HLA-DOA: variants seen among roughly 807,000 people sequenced by gnomAD.
HLA-DOA encodes major histocompatibility complex, class II, DO alpha.
A neutral mutation model predicts 22.9 loss-of-function variants in HLA-DOA; 27 were observed. That is an observed-to-expected ratio of 1.18 (90% CI 0.87 to 1.62). The LOEUF (loss-of-function observed/expected upper bound fraction) is 1.62, where lower values mean the gene tolerates loss of function less well. Among genes scored for constraint, HLA-DOA ranks in the 40% most tolerant of loss-of-function variants. The pLI is 0.00. For synonymous variants in HLA-DOA, 137 were observed against 138.6 expected (o/e 0.99, Z 0.08); for missense variants, 324 against 332.4 (o/e 0.97, Z 0.20).
intron 4 of HLA-DOA, 51 bp from the exon 5 acceptor site, chr6:33,006,892 G>A: frequency 6.6e-7 from 1 of 1,523,106 alleles, no homozygotes; most frequent in Non-Finnish European, 9.1e-7. Context: ...CAATATGCTG[G>A]GATCCTATCT....
chr6:33,008,748 C>A (rs1197081910), intron 1 of HLA-DOA, among the ~76,000 whole-genome samples: 1 of 151,980 alleles, frequency 6.6e-6, no homozygotes, highest in Non-Finnish European at 1.5e-5. Context: ...ACCCAGAGAC[C>A]AAGGGGATAG....
In HLA-DOA at chr6:33,009,447, G is replaced by A. The variant is rs573173928; in HGVS notation, c.82+8C>T. 8 of 1,584,984 alleles carry A rather than the reference G, an allele frequency of 5.0e-6. No individual in the cohort carries two copies. The East Asian group carries it at 1.6e-4, about 31-fold the overall frequency. ...TCCCCGCCGCACCCTCCTCGCCCTC[G>A]CACTCACCCTTGGTGGCCCCTGCCT... On this transcript the variant is annotated splice_region_variant and intron_variant, in intron 1 of 4. Coordinates refer to ENST00000229829, the MANE Select transcript of HLA-DOA (RefSeq NM_002119.4). This position sits in a 1 kb window ranked among gnomAD's most constrained non-coding sequence, Gnocchi z 4.8.
chr6:33,008,710 C>T (rs1780934369), intron 1 of HLA-DOA, among the ~76,000 whole-genome samples: 1 of 152,014 alleles, frequency 6.6e-6, no homozygotes, highest in Admixed American at 6.6e-5. Context: ...CAGGCCACGG[C>T]TGGCAGGGGT....
Position 33,007,506 on chromosome 6 carries a change from G to A in HLA-DOA, c.418C>T (p.Pro140Ser). ...ILICIVDNIF[P>S]PVINITWLRN... ...AGCCAGGTGATATTGATCACAGGGG[G>A]GAAGATGTTGTCCACGATGCAGATG... is the stretch of plus-strand genomic sequence containing the variant. The change falls in exon 3 of 5, where the codon CCC (proline) becomes TCC (serine). Residue 140 changes from proline (P) to serine (S), a missense_variant. Pro to Ser is a moderately conservative substitution (Grantham distance 74, BLOSUM62 -1). Transcript: ENST00000229829. 2.5e-6 allele frequency: 4 copies of A among 1,613,014 alleles called. No individual in the cohort carries two copies. The highest frequency in any genetic ancestry group is 3.4e-6 in the Non-Finnish European group (4 of 1,179,998).
At chr6:33,006,896 C>T (rs1219682038) in intron 4 of HLA-DOA, 55 bp from the exon 5 acceptor site, 35 of 1,514,366 alleles carry the variant, frequency 2.3e-5, no homozygotes, top group Non-Finnish European at 3.0e-5. Context: ...ATGCTGGGAT[C>T]CTATCTCTGA....
rs1272808311 is a variant in HLA-DOA at position 33,009,567 on chromosome 6, C to T, written c.-31G>A. 1 of 1,535,494 alleles carries T rather than the reference C, an allele frequency of 6.5e-7. No homozygotes were observed. Among genetic ancestry groups the T allele is most frequent in the Non-Finnish European group, 8.8e-7 (1 of 1,132,556 alleles). ...TCTGGTGCTTTAATCAAATCAGTCT[C>T]AGTCCGTGTGGTGAGGACAGGAACA... On this transcript the variant is annotated 5_prime_UTR_variant, in exon 1 of 5. Coordinates refer to ENST00000229829, the MANE Select transcript of HLA-DOA (RefSeq NM_002119.4). This position sits in a 1 kb window ranked among gnomAD's most constrained non-coding sequence, Gnocchi z 4.8.
chr6:33,009,409 C>T lies in HLA-DOA; in HGVS notation c.82+46G>A, dbSNP rs111835200. 1.1e-4 allele frequency: 161 copies of T among 1,415,036 alleles called. No individual in the cohort carries two copies. The African/African-American group carries it at 2.0e-3, about 18-fold the overall frequency. 87.7% of individuals were successfully genotyped at this position (1,415,036 alleles called of 1,614,324 possible). On this transcript the variant is annotated intron_variant, in intron 1 of 4. Coordinates refer to ENST00000229829, the MANE Select transcript of HLA-DOA (RefSeq NM_002119.4). The surrounding 1 kb of genome is among the most constrained non-coding windows in gnomAD (Gnocchi z 4.8). ...GCCACCTCCTCATGTAACCCAACTCCGTAAATCTCTGCTCCCCGCCGCACC... is the reference window on the plus strand; with the variant it reads ...GCCACCTCCTCATGTAACCCAACTCTGTAAATCTCTGCTCCCCGCCGCACC...
chr6:33,007,559 C>T lies in HLA-DOA; in HGVS notation c.365G>A (p.Arg122Gln), dbSNP rs758936494. The change falls in exon 3 of 5, where the codon CGG becomes CAG. Residue 122 changes from arginine to glutamine, a missense_variant. Coordinates refer to ENST00000229829, the MANE Select transcript of HLA-DOA (RefSeq NM_002119.4). ...PPRVTVLPKS[R>Q]VELGQPNILI... ...GATGTTGGGCTGGCCCAGCTCCACC[C>T]GAGACTTGGGGAGCACGGTCACCCG... 10 of 1,612,650 alleles carry T rather than the reference C, an allele frequency of 6.2e-6. No individual in the cohort carries two copies. The highest frequency in any genetic ancestry group is 1.3e-5 in the African/African-American group (1 of 74,928).
chr6:33,007,798 C>T (rs983426670), intron 2 of HLA-DOA: 1 of 832,058 alleles, frequency 1.2e-6, no homozygotes, highest in East Asian at 2.7e-5. Flanking sequence ...TTTGACTGGT[C>T]CCTGGGCGGG....
intron 1 of HLA-DOA, 65 bp from the exon 2 acceptor site, chr6:33,008,326 T>C: frequency 3.2e-6 from 5 of 1,573,910 alleles, no homozygotes; most frequent in South Asian, 1.2e-5. Flanking sequence ...CCACAATATG[T>C]GATTGTTGAG....
chr6:33,006,620 G>A lies in HLA-DOA; in HGVS notation c.*218C>T. On this transcript the variant is annotated 3_prime_UTR_variant, in exon 5 of 5. Coordinates refer to ENST00000229829, the MANE Select transcript of HLA-DOA (RefSeq NM_002119.4). ...AGAGCTTTGGGTAGAGCAAGAATGT[G>A]TGTGTGTGTTGAATGGGAAGGGAAG... 1.5e-6 allele frequency: 1 copy of A among 671,532 alleles called. No individual in the cohort carries two copies. The highest frequency in any genetic ancestry group is 1.7e-5 in the South Asian group (1 of 59,076). 41.6% of individuals were successfully genotyped at this position (671,532 alleles called of 1,614,324 possible). A position where few individuals can be genotyped will look rare whatever the true frequency, so the allele number is the denominator to read the frequency against.
intron 1 of HLA-DOA, 103 bp from the exon 2 acceptor site, chr6:33,008,364 T>G: frequency 6.6e-7 from 1 of 1,524,556 alleles, no homozygotes; most frequent in South Asian, 1.3e-5. Flanking sequence ...CGTCCTGGGT[T>G]CTGTGTGGGG....
Position 33,008,042 on chromosome 6 carries a change from T to G in HLA-DOA, c.302A>C (p.Glu101Ala). The part of the protein sequence containing the change: ...AIKAHLDILV[E>A]RSNRSRAINV... ...GATGGCTCTGCTGCGGTTGGAGCGC[T>G]CCACCAGGATGTCCAGATGGGCTTT... is the stretch of plus-strand genomic sequence containing the variant. Residue 101 changes from glutamate to alanine, a missense_variant, in exon 2 of 5, where the codon GAG becomes GCG. By Grantham distance (107) the Glu-to-Ala change is moderately radical (BLOSUM62 -1). Transcript: ENST00000229829. 6.2e-7 allele frequency: 1 copy of G among 1,612,936 alleles called. No homozygotes were observed. The highest frequency in any genetic ancestry group is 1.3e-5 in the African/African-American group (1 of 75,044).
chr6:33,007,366 G>A lies in HLA-DOA; in HGVS notation c.558C>T (p.Val186=). 6.2e-7 allele frequency: 1 copy of A among 1,608,604 alleles called. No homozygotes were observed. The highest frequency in any genetic ancestry group is 8.5e-7 in the Non-Finnish European group (1 of 1,177,078). The change falls in exon 3 of 5, where the codon GTC becomes GTT. Residue 186 remains valine, a synonymous_variant. Coordinates refer to ENST00000229829, the MANE Select transcript of HLA-DOA (RefSeq NM_002119.4). ...CCCAGTGCTCCACCTGGCAGTCATA[G>A]ACGTCCTCGGCTGAGGGCACGAAGG... ...YLPFVPSAED[V]YDCQVEHWGL...
intron 4 of HLA-DOA, 27 bp downstream of exon 4, chr6:33,007,046 TCCCCCAC>T: frequency 6.3e-7 from 1 of 1,587,382 alleles, no homozygotes; most frequent in Non-Finnish European, 8.6e-7. Flanking sequence ...TCCACTTTCC[TCCCCCAC>T]CCCCCAGACT....
chr6:33,008,359 T>C, intron 1 of HLA-DOA, 98 bp from the exon 2 acceptor site: 4 of 1,529,894 alleles, frequency 2.6e-6, no homozygotes, highest in Non-Finnish European at 3.5e-6. Context: ...GGCCCCGTCC[T>C]GGGTTCTGTG....
intron 1 of HLA-DOA, 145 bp from the exon 2 acceptor site, chr6:33,008,406 TGGGAGAGAGAAA>T: frequency 6.8e-7 from 1 of 1,461,690 alleles, no homozygotes; most frequent in Non-Finnish European, 9.0e-7. Flanking sequence ...GGGCTGGCCC[TGGGAGAGAGAAA>T]GGGAGAGAGA....
At position 33,005,337 on chromosome 6, in the gene HLA-DOA, C is replaced by T. The variant is rs1780766902; in HGVS notation, c.*1501G>A. The T allele has an allele frequency of 6.6e-6, 1 of 152,204 alleles. No individual in the cohort carries two copies. Among genetic ancestry groups the T allele is most frequent in the Non-Finnish European group, 1.5e-5 (1 of 68,082 alleles). 9.4% of individuals were successfully genotyped at this position (152,204 alleles called of 1,614,324 possible). A position where few individuals can be genotyped will look rare whatever the true frequency, so the allele number is the denominator to read the frequency against. The stretch of plus-strand genomic sequence containing the variant: ...TGAAACCCCGTCTCTACTTAAAATA[C>T]AAAAATTAGCTGAGTGTAGTGGCGC... On this transcript the variant is annotated 3_prime_UTR_variant, in exon 5 of 5. Coordinates refer to ENST00000229829, the MANE Select transcript of HLA-DOA (RefSeq NM_002119.4).
At position 33,004,972 on chromosome 6, in the gene HLA-DOA, A is replaced by C. The variant is rs780104312; in HGVS notation, c.*1866T>G. On this transcript the variant is annotated 3_prime_UTR_variant, in exon 5 of 5. Transcript: ENST00000229829. ...TTGGTTTCTTTCTTTTCCAGGACCAACTGCTCACAGTTCAAACCCTCATTT... is the reference window on the plus strand; with the variant it reads ...TTGGTTTCTTTCTTTTCCAGGACCACCTGCTCACAGTTCAAACCCTCATTT... 6.6e-6 allele frequency: 1 copy of C among 152,252 alleles called. No individual in the cohort carries two copies. Among genetic ancestry groups the C allele is most frequent in the Non-Finnish European group, 1.5e-5 (1 of 68,082 alleles). The allele number at this position is 152,252 out of a possible 1,614,324, so 9.4% of individuals were successfully genotyped here.
Sources: gnomAD v4.1 joint callset for allele counts (sites outside exome capture counted in the v4.1 genomes callset) on GRCh38, gnomAD v4.1.1 for gene constraint, Gnocchi (gnomAD v3.1) non-coding constraint, MANE v1.5 for transcripts, NCBI Gene and HGNC (gene_info 2026-07-23, HGNC 2026-07-21) for gene names.